The following CYP7B1 variants were observed in gnomAD, a reference collection of about 807,000 sequenced individuals.
CYP7B1 encodes cytochrome P450 family 7 subfamily B member 1, also known as cytochrome P450 7B1.
In CYP7B1, 29 loss-of-function variants were observed where a neutral mutation model predicts 42.7. The ratio of observed to expected loss-of-function variants is 0.68; its 90% CI spans 0.51 to 0.93. The LOEUF is 0.93. Ranked by LOEUF, CYP7B1 falls within the 40% of genes least tolerant of loss-of-function variation. The pLI is 0.00. For missense variants in CYP7B1, 655 were observed against 600.5 expected (o/e 1.09, Z -0.95); for synonymous variants, 235 against 218.2 (o/e 1.08, Z -0.68).
At chr8:64,744,931 T>G (rs924197269) in intron 1 of CYP7B1, among the ~76,000 whole-genome samples, 10 of 152,214 alleles carry the variant, frequency 6.6e-5, no homozygotes, top group African/African-American at 2.4e-4. Context: ...ATAGTAATAC[T>G]ATGACTAAAA....
intron 1 of CYP7B1, among the ~76,000 whole-genome samples, chr8:64,653,363 C>G (rs937485304): frequency 6.6e-6 from 1 of 152,150 alleles, no homozygotes; most frequent in Non-Finnish European, 1.5e-5. Flanking sequence ...CAGAAGCTAT[C>G]AGGAACACCT....
chr8:64,732,886 T>A (rs1030259170), intron 1 of CYP7B1: 7 of 152,724 alleles, frequency 4.6e-5, no homozygotes, highest in Non-Finnish European at 1.0e-4. Flanking sequence ...GAAGGATGTG[T>A]TTGCTTCCCC....
At position 64,596,825 on chromosome 8, in the gene CYP7B1, G is replaced by A. The variant is rs1417955504; in HGVS notation, c.1338C>T (p.Thr446=). 1.2e-6 allele frequency: 2 copies of A among 1,613,986 alleles called. No homozygotes were observed. The highest frequency in any genetic ancestry group is 2.7e-5 in the African/African-American group (2 of 74,910). Residue 446 remains threonine, a synonymous_variant, in exon 6 of 6, where the codon ACC becomes ACT. Transcript: ENST00000310193. ...CAAAAAATCGGCCTGGACATTTGCTGGTTCCAGTTCCAAACGGCATTAGGT... is the reference window on the plus strand; with the variant it reads ...CAAAAAATCGGCCTGGACATTTGCTAGTTCCAGTTCCAAACGGCATTAGGT... The part of the protein sequence containing the change: ...KCYLMPFGTG[T]SKCPGRFFAL...
chr8:64,599,449 A>C lies in CYP7B1; in HGVS notation c.1234-2520T>G, dbSNP rs573710363. Among the ~76,000 whole-genome samples the C allele has an allele frequency of 2.4e-4, 36 of 152,252 alleles. No individual in the cohort carries two copies. In the South Asian group the frequency reaches 7.3e-3, roughly 31 times the overall value. ...GTGATCCGCCGGCCTCGGCCTCCCA[A>C]AGTGCTGGGGTTACAGGTGTGAGCC... On this transcript the variant is annotated intron_variant, in intron 5 of 5. Coordinates refer to ENST00000310193, the MANE Select transcript of CYP7B1 (RefSeq NM_004820.5).
intron 3 of CYP7B1, 132 bp from the exon 4 acceptor site, chr8:64,615,364 C>T: frequency 2.3e-6 from 2 of 867,364 alleles, no homozygotes; most frequent in Non-Finnish European, 3.6e-6. Context: ...AACCAATAGG[C>T]TTCTGAAGTC....
chr8:64,615,646 G>T, intron 3 of CYP7B1, 45 bp downstream of exon 3: 1 of 1,573,932 alleles, frequency 6.4e-7, no homozygotes, highest in South Asian at 1.1e-5. Flanking sequence ...GAGGTCTATT[G>T]TAAATGATTT....
intron 1 of CYP7B1, among the ~76,000 whole-genome samples, chr8:64,771,315 C>G (rs1036118468): frequency 6.6e-6 from 1 of 151,912 alleles, no homozygotes; most frequent in Non-Finnish European, 1.5e-5. Flanking sequence ...CCGCCTCGGC[C>G]TCTCAAAGTG....
At chr8:64,773,109 A>C (rs183392383) in intron 1 of CYP7B1, among the ~76,000 whole-genome samples, 103 of 152,232 alleles carry the variant, frequency 6.8e-4, no homozygotes, top group African/African-American at 2.4e-3. Flanking sequence ...TAATCTATGT[A>C]TTTATTGTGC....
At chr8:64,765,628 A>G (rs111760079) in intron 1 of CYP7B1, among the ~76,000 whole-genome samples, 5,654 of 152,252 alleles carry the variant, frequency 0.037, 354 homozygotes, top group African/African-American at 0.13. Flanking sequence ...GCGTTAACTA[A>G]TCCGATAAGC....
chr8:64,775,496 C>T (rs547825712), intron 1 of CYP7B1, among the ~76,000 whole-genome samples: 6 of 152,146 alleles, frequency 3.9e-5, no homozygotes, highest in Middle Eastern at 3.4e-3. Context: ...TAGTTCTTTC[C>T]TTAGTTACTA....
chr8:64,587,172 G>A (rs1230696646), downstream of CYP7B1, among the ~76,000 whole-genome samples: 1 of 152,204 alleles, frequency 6.6e-6, no homozygotes, highest in Non-Finnish European at 1.5e-5. Context: ...GCATCCCTAG[G>A]TTGCAAACAC....
chr8:64,778,975 G>T (rs968032279), intron 1 of CYP7B1, among the ~76,000 whole-genome samples: 2 of 152,082 alleles, frequency 1.3e-5, no homozygotes, highest in African/African-American at 2.4e-5. Flanking sequence ...GCAAGAAGGA[G>T]ACAGCAGACC....
intron 1 of CYP7B1, among the ~76,000 whole-genome samples, chr8:64,792,894 TG>T: frequency 6.6e-6 from 1 of 152,248 alleles, no homozygotes; most frequent in Admixed American, 6.5e-5. Context: ...ACATGAATTT[TG>T]GGGGCTCAGA....
chr8:64,648,269 T>C (rs1463561971), intron 1 of CYP7B1, among the ~76,000 whole-genome samples: 1 of 152,254 alleles, frequency 6.6e-6, no homozygotes. Flanking sequence ...TGTATTTCAT[T>C]ATTCCTTGTC....
At chr8:64,648,101 T>A (rs1023271205) in intron 1 of CYP7B1, among the ~76,000 whole-genome samples, 1 of 152,204 alleles carries the variant, frequency 6.6e-6, no homozygotes, top group African/African-American at 2.4e-5. Flanking sequence ...AATAAGAGGA[T>A]CTTCCCTGAA....
intron 2 of CYP7B1, among the ~76,000 whole-genome samples, chr8:64,621,730 T>C (rs1805532369): frequency 6.7e-6 from 1 of 149,800 alleles, no homozygotes; most frequent in Admixed American, 6.7e-5. Context: ...TCAGAATGCA[T>C]ACAATTTTTT....
intron 1 of CYP7B1, among the ~76,000 whole-genome samples, chr8:64,737,433 T>C (rs1215916820): frequency 6.6e-6 from 1 of 152,212 alleles, no homozygotes; most frequent in African/African-American, 2.4e-5. Context: ...CTAAAAGTGA[T>C]AAAGTGCACT....
chr8:64,764,229 G>GCCCCCCCCCCCCCCCCCCC (rs59605103), intron 1 of CYP7B1, among the ~76,000 whole-genome samples: 21 of 125,200 alleles, frequency 1.7e-4, no homozygotes, highest in South Asian at 2.8e-4. Flanking sequence ...CTTCCACGCT[G>GCCCCCCCCCCCCCCCCCCC]CCCCCCCCAC....
intron 1 of CYP7B1, among the ~76,000 whole-genome samples, chr8:64,789,470 T>C (rs1190397645): frequency 6.6e-6 from 1 of 152,208 alleles, no homozygotes; most frequent in African/African-American, 2.4e-5. Context: ...TTATAATTCA[T>C]ACCTACTCCA....
Sources: allele counts gnomAD v4.1 joint callset (sites outside exome capture counted in the v4.1 genomes callset), GRCh38; gene constraint gnomAD v4.1.1; transcripts MANE v1.5; gene names NCBI Gene and HGNC (gene_info 2026-07-23, HGNC 2026-07-21).